Variants in OFD1 observed in about 807,000 individuals in gnomAD.
The protein encoded by OFD1 is OFD1 centriole and centriolar satellite protein, also known as centriole and centriolar satellite protein OFD1.
In OFD1, 12 loss-of-function variants were observed where a neutral mutation model predicts 81.4. The ratio of observed to expected loss-of-function variants is 0.15; its 90% CI spans 0.09 to 0.24. OFD1 has a LOEUF of 0.24. OFD1 is among the 10% of genes least tolerant of loss of function. OFD1 has a pLI of 1.00. For synonymous variants in OFD1, 256 were observed against 263.7 expected, an observed-to-expected ratio of 0.97 and a Z score of 0.28; for missense variants, 685 against 733.9, an observed-to-expected ratio of 0.93 and a Z score of 0.77.
At chrX:13,719,713 T>G in the OFD1 span, among the ~76,000 whole-genome samples, 1 of 111,853 alleles carries the variant, frequency 8.9e-6, no homozygotes, top group Non-Finnish European at 1.9e-5. Context: ...AATAAACATC[T>G]CCAAGGACAT....
intron 5 of OFD1, chrX:13,740,207 C>G (rs1187639562): frequency 6.4e-6 from 6 of 933,586 alleles, no homozygotes; most frequent in African/African-American, 2.0e-5. Context: ...TACTGAAGTT[C>G]AGTATGGTAA....
Position 13,763,831 on chromosome X carries a change from G to A in OFD1, c.2575G>A (p.Val859Met), listed in dbSNP as rs1231153528. ...TCATGTGGACGCTGCTGCAGCTGCT[G>A]TGCCCCTCTCATATCAGCACCCAAG... ...MSHVDAAAAA[V>M]PLSYQHPSVD... is the part of the protein sequence containing the mutation. Residue 859 changes from valine to methionine, a missense_variant, in exon 19 of 23, where the codon GTG (valine) becomes ATG (methionine). Physicochemically the swap from Val to Met is conservative, Grantham distance 21. Coordinates refer to ENST00000340096, the MANE Select transcript of OFD1 (RefSeq NM_003611.3). The A allele has an allele frequency of 5.8e-6, 7 of 1,209,835 alleles. No individual in the cohort carries two copies. The highest frequency in any genetic ancestry group is 5.9e-5 in the East Asian group (2 of 33,857).
Position 13,760,156 on chromosome X carries a change from A to C in OFD1, c.1696A>C (p.Ile566Leu). The C allele has an allele frequency of 8.3e-7, 1 of 1,211,869 alleles. No individual in the cohort carries two copies. Among genetic ancestry groups the C allele is most frequent in the Non-Finnish European group, 1.1e-6 (1 of 895,380 alleles). ...EVYCNPKQSV[I>L]DRSVNGLING... ...GTACTGCAATCCAAAGCAGTCTGTG[A>C]TCGATCGTTCTGTCAATGGATTAAT... is the stretch of plus-strand genomic sequence containing the variant. Residue 566 changes from isoleucine (I) to leucine (L), a missense_variant, in exon 16 of 23, where the codon ATC becomes CTC. Ile to Leu is a conservative substitution (Grantham distance 5). Around this residue, in one of 3 missense-constraint regions of OFD1, gnomAD observed 414 missense variants for 447.2 expected, o/e 0.93. Coordinates refer to ENST00000340096, the MANE Select transcript of OFD1 (RefSeq NM_003611.3).
the OFD1 span, among the ~76,000 whole-genome samples, chrX:13,723,719 A>C: frequency 4.5e-5 from 5 of 110,848 alleles, no homozygotes; most frequent in Non-Finnish European, 9.4e-5. Context: ...GAATTTGGGA[A>C]TAGATTAAAC....
upstream of OFD1, among the ~76,000 whole-genome samples, chrX:13,730,617 CG>C (rs1292853130): frequency 2.7e-5 from 3 of 111,531 alleles, no homozygotes; most frequent in Non-Finnish European, 5.6e-5. Context: ...CACAAGCACA[CG>C]TATGTTTATT....
the OFD1 span, among the ~76,000 whole-genome samples, chrX:13,726,588 A>T: frequency 1.8e-5 from 2 of 112,010 alleles, no homozygotes; most frequent in Non-Finnish European, 3.8e-5. Flanking sequence ...CCTGCCTTAC[A>T]AGAGCTCCTG....
At chrX:13,724,982 G>A in the OFD1 span, among the ~76,000 whole-genome samples, 634 of 113,285 alleles carry the variant, frequency 5.6e-3, 6 homozygotes, top group African/African-American at 0.019. Context: ...CCACGCCCAC[G>A]GAGCCTTGCT....
chrX:13,773,171 G>A (rs2048332444), downstream of OFD1: 1 of 447,820 alleles, frequency 2.2e-6, no homozygotes, highest in Non-Finnish European at 3.6e-6. Context: ...TAGCAGAGCT[G>A]TCAGATCCTG....
intron 5 of OFD1, among the ~76,000 whole-genome samples, chrX:13,740,520 C>T (rs767532792): frequency 2.1e-4 from 24 of 111,776 alleles, no homozygotes; most frequent in African/African-American, 6.2e-4. Context: ...GGGCCAGGCA[C>T]GGTGGCTCAT....
intron 10 of OFD1, among the ~76,000 whole-genome samples, chrX:13,752,514 G>C (rs192396149): frequency 1.2e-4 from 13 of 112,092 alleles, no homozygotes; most frequent in African/African-American, 4.2e-4. Context: ...TAAAAAATAT[G>C]GCAGCTTTTT....
downstream of OFD1, among the ~76,000 whole-genome samples, chrX:13,770,017 C>T (rs989198137): frequency 2.7e-5 from 3 of 111,750 alleles, no homozygotes; most frequent in African/African-American, 9.7e-5. Flanking sequence ...AATGAATGGG[C>T]GTATTTCCTT....
Position 13,760,300 on chromosome X carries a change from G to A in OFD1, c.1840G>A (p.Ala614Thr). The change falls in exon 16 of 23, where the codon GCA becomes ACA. Residue 614 changes from alanine to threonine, a missense_variant. This residue lies in a region of OFD1 where 414 missense variants were observed against 447.2 expected (regional missense o/e 0.93). Coordinates refer to ENST00000340096, the MANE Select transcript of OFD1 (RefSeq NM_003611.3). ...VASRITNYPT[A>T]WVEGSSPDSD... Reference sequence around the variant, plus strand: ...ATCAAGGATCACAAATTATCCAACTGCATGGGTGGAGGGTAGTTCCCCTGA... The same window carrying A: ...ATCAAGGATCACAAATTATCCAACTACATGGGTGGAGGGTAGTTCCCCTGA... The A allele has an allele frequency of 8.3e-7, 1 of 1,211,503 alleles. No homozygotes were observed. Among genetic ancestry groups the A allele is most frequent in the Non-Finnish European group, 1.1e-6 (1 of 895,098 alleles).
chrX:13,730,145 T>C (rs2046642972), upstream of OFD1, among the ~76,000 whole-genome samples: 1 of 109,411 alleles, frequency 9.1e-6, no homozygotes. Context: ...ACCTACAGAA[T>C]GGGAGAAAAT....
chrX:13,726,366 C>T, the OFD1 span, among the ~76,000 whole-genome samples: 2 of 111,926 alleles, frequency 1.8e-5, no homozygotes, highest in Admixed American at 9.5e-5. Context: ...AGAGAAAGGT[C>T]GGGTTACCCA....
rs749862326 is a variant in OFD1, at chrX:13,753,081, C to A, written c.1056-287C>A. ...CCTTTGCTCTTTGTGTCAGTTGAGA[C>A]CAACTGAAAAGTGATTGCTTTCAGT... On this transcript the variant is annotated intron_variant, in intron 10 of 22. Transcript: ENST00000340096. 14 of 934,151 alleles carry A rather than the reference C, an allele frequency of 1.5e-5. No homozygotes were observed. The South Asian group carries it at 4.1e-4, about 27-fold the overall frequency. The allele number at this position is 934,151 out of a possible 1,213,427, so 77.0% of individuals were successfully genotyped here.
At chrX:13,732,647 G>A (rs760212091), upstream of OFD1, among the ~76,000 whole-genome samples, 6 of 112,832 alleles carry the variant, frequency 5.3e-5, no homozygotes, top group Admixed American at 2.8e-4. Context: ...CCGTTCCATA[G>A]GCCAAGCCCA....
Position 13,762,861 on chromosome X carries a change from C to T in OFD1, c.2488+417C>T, listed in dbSNP as rs185025711. On this transcript the variant is annotated intron_variant, in intron 18 of 22. Transcript: ENST00000340096. ...TGCAATCTCCCTCCTCCTCCCAGGTCCAAGTGATTCATCTGCCTCAGCCTC... is the reference window on the plus strand; with the variant it reads ...TGCAATCTCCCTCCTCCTCCCAGGTTCAAGTGATTCATCTGCCTCAGCCTC... Among the ~76,000 whole-genome samples the T allele has an allele frequency of 1.3e-4, 15 of 111,466 alleles. No individual in the cohort carries two copies. The East Asian group carries it at 4.2e-3, about 31-fold the overall frequency.
chrX:13,739,097 T>C lies in OFD1; in HGVS notation c.412+65T>C, dbSNP rs1017195947. 3 of 984,022 alleles carry C rather than the reference T, an allele frequency of 3.0e-6. No individual in the cohort carries two copies. In the African/African-American group the frequency reaches 5.7e-5, roughly 19 times the overall value. 81.1% of individuals were successfully genotyped at this position (984,022 alleles called of 1,213,427 possible). On this transcript the variant is annotated intron_variant, in intron 5 of 22. Coordinates refer to ENST00000340096, the MANE Select transcript of OFD1 (RefSeq NM_003611.3). ...CTATGTACTTTTTCCTCTAAAAGAA[T>C]GAAGCAAATTTTTAGGGAGAAGAGT...
In OFD1 at chrX:13,755,946, C is replaced by CTTTTTTTTTTTTTTTT. The variant is rs34300430; in HGVS notation, c.1222-625_1222-610dup. Among the ~76,000 whole-genome samples the CTTTTTTTTTTTTTTTT allele has an allele frequency of 9.1e-4, 59 of 65,087 alleles. 2 individuals are homozygous for CTTTTTTTTTTTTTTTT. Among genetic ancestry groups the CTTTTTTTTTTTTTTTT allele is most frequent in the African/African-American group, 3.5e-3 (54 of 15,212 alleles). The allele number at this position is 65,087 out of a possible 115,157, so 56.5% of individuals were successfully genotyped here. A position where few individuals can be genotyped will look rare whatever the true frequency, so the allele number is the denominator to read the frequency against. The stretch of plus-strand genomic sequence containing the variant: ...ACAGAATCTTTTTTCCTTTCTTTCC[C>CTTTTTTTTTTTTTTTT]TTTTTTTTTTTTTTTTTTTTTTGAG... On this transcript the variant is annotated intron_variant, in intron 12 of 22. Transcript: ENST00000340096.
Sources: gnomAD v4.1 joint callset for allele counts (sites outside exome capture counted in the v4.1 genomes callset) on GRCh38, gnomAD v4.1.1 for gene constraint, gnomAD v4.1.1 regional missense constraint, MANE v1.5 for transcripts, NCBI Gene and HGNC (gene_info 2026-07-23, HGNC 2026-07-21) for gene names.